Variants in RNF168 observed in about 807,000 individuals in gnomAD.
RNF168 encodes the protein ring finger protein 168.
RNF168 carries 34 observed loss-of-function variants against 34.9 expected under a neutral mutation model. That is an observed-to-expected ratio of 0.97 (90% CI 0.74 to 1.30). RNF168 has a LOEUF of 1.30. Among genes scored for constraint, RNF168 ranks in the 50% most tolerant of loss-of-function variants. The probability of loss-of-function intolerance (pLI) is 0.00; values close to 1 mark genes in which losing one functional copy is unlikely to be tolerated. For synonymous variants in RNF168, 264 were observed against 254.7 expected (o/e 1.04, Z -0.35); for missense variants, 725 against 682.5 (o/e 1.06, Z -0.69).
chr3:196,473,254 A>G (rs1023993573), intron 5 of RNF168, among the ~76,000 whole-genome samples: 4 of 152,172 alleles, frequency 2.6e-5, no homozygotes, highest in Non-Finnish European at 5.9e-5. Context: ...TCCTTTTGGC[A>G]TTTAGGTGAA....
intron 3 of RNF168, among the ~76,000 whole-genome samples, chr3:196,485,673 G>A (rs1257359709): frequency 6.6e-6 from 1 of 151,952 alleles, no homozygotes; most frequent in African/African-American, 2.4e-5. Flanking sequence ...ACATAAAAAG[G>A]GGCATATAAC....
chr3:196,496,872 C>T (rs771433947), intron 1 of RNF168, among the ~76,000 whole-genome samples: 41 of 152,114 alleles, frequency 2.7e-4, no homozygotes, highest in Non-Finnish European at 5.0e-4. Context: ...AGGACGGGCA[C>T]GATGGCTCAC....
At chr3:196,494,645 C>T (rs544034464) in intron 1 of RNF168, among the ~76,000 whole-genome samples, 59 of 152,114 alleles carry the variant, frequency 3.9e-4, no homozygotes, top group Non-Finnish European at 7.4e-4. Context: ...AAATAAAAAG[C>T]CCAAAGTTGC....
At chr3:196,479,770 T>TG (rs1243650109) in intron 4 of RNF168, among the ~76,000 whole-genome samples, 97 of 152,114 alleles carry the variant, frequency 6.4e-4, no homozygotes, top group Non-Finnish European at 1.0e-3. Context: ...TTTTGTATTT[T>TG]TAGTAGAAAC....
intron 1 of RNF168, among the ~76,000 whole-genome samples, chr3:196,490,956 G>A (rs1732580227): frequency 6.6e-6 from 1 of 152,198 alleles, no homozygotes; most frequent in South Asian, 2.1e-4. Context: ...TAGAATCTAC[G>A]AAACCCTGGA....
chr3:196,481,195 G>A (rs1222228572), intron 4 of RNF168, among the ~76,000 whole-genome samples: 1 of 151,978 alleles, frequency 6.6e-6, no homozygotes, highest in South Asian at 2.1e-4. Context: ...TCCTTTTATT[G>A]TGTTACTGTG....
chr3:196,471,045 G>A lies in RNF168; in HGVS notation c.*774C>T, dbSNP rs560662517. The A allele has an allele frequency of 6.7e-6, 1 of 149,796 alleles. No individual in the cohort carries two copies. Among genetic ancestry groups the A allele is most frequent in the Non-Finnish European group, 1.5e-5 (1 of 67,568 alleles). The allele number at this position is 149,796 out of a possible 1,614,324, so 9.3% of individuals were successfully genotyped here. A position where few individuals can be genotyped will look rare whatever the true frequency, so the allele number is the denominator to read the frequency against. On this transcript the variant is annotated 3_prime_UTR_variant, in exon 6 of 6. Transcript: ENST00000318037. ...GTACAAAAAAAAAAAAAAATTAGCT[G>A]GGTAGCTGGGTGTAGTGGCACATGC...
chr3:196,493,535 T>C (rs569783538), intron 1 of RNF168, among the ~76,000 whole-genome samples: 1 of 152,024 alleles, frequency 6.6e-6, no homozygotes, highest in East Asian at 1.9e-4. Flanking sequence ...GCTATTTCTT[T>C]TTCTTCTTTG....
At chr3:196,486,412 A>G (rs1439041384) in intron 3 of RNF168, among the ~76,000 whole-genome samples, 2 of 152,056 alleles carry the variant, frequency 1.3e-5, no homozygotes, top group African/African-American at 4.8e-5. Flanking sequence ...AGCTCACTGT[A>G]ACCTCAAACT....
chr3:196,503,251 A>G lies in RNF168; in HGVS notation c.-78T>C. On this transcript the variant is annotated 5_prime_UTR_variant, in exon 1 of 6. Transcript: ENST00000318037. ...CCTATTTTCGGCCAACCACAGAGAG[A>G]GCAAAAGCAGTTTTGTGTTTCAGTA... is the stretch of plus-strand genomic sequence containing the variant. 1 of 1,297,784 alleles carries G rather than the reference A, an allele frequency of 7.7e-7. No homozygotes were observed. The highest frequency in any genetic ancestry group is 1.2e-5 in the South Asian group (1 of 82,154). The allele number at this position is 1,297,784 out of a possible 1,614,324, so 80.4% of individuals were successfully genotyped here.
At position 196,471,557 on chromosome 3, in the gene RNF168, A is replaced by G. The variant is rs1732007515; in HGVS notation, c.*262T>C. The G allele has an allele frequency of 2.5e-6, 1 of 404,454 alleles. No individual in the cohort carries two copies. Among genetic ancestry groups the G allele is most frequent in the South Asian group, 3.3e-5 (1 of 30,118 alleles). 25.1% of individuals were successfully genotyped at this position (404,454 alleles called of 1,614,324 possible). On this transcript the variant is annotated 3_prime_UTR_variant, in exon 6 of 6. Transcript: ENST00000318037. Reference sequence around the variant, plus strand: ...ACTTGAAGATTTCCTGGAGTTGGCCAAAGCTTAAGATATCTCTAAGAATTG... The same window carrying G: ...ACTTGAAGATTTCCTGGAGTTGGCCGAAGCTTAAGATATCTCTAAGAATTG...
chr3:196,503,022 C>G lies in RNF168; in HGVS notation c.152G>C (p.Cys51Ser). The G allele has an allele frequency of 6.2e-7, 1 of 1,614,074 alleles. No homozygotes were observed. Among genetic ancestry groups the G allele is most frequent in the Non-Finnish European group, 8.5e-7 (1 of 1,180,018 alleles). ...CGATACCCGGCGGCGACAGAAGGGA[C>G]AGCATAAACTCGCCTTTTCGACGGT... Reference protein sequence around the residue: ...QSTVEKASLCCPFCRRRVSSW... With the variant: ...QSTVEKASLCSPFCRRRVSSW... The change falls in exon 1 of 6, where the codon TGT becomes TCT. Residue 51 changes from cysteine to serine, a missense_variant. Physicochemically the swap from Cys to Ser is moderately radical, Grantham distance 112. Transcript: ENST00000318037.
At chr3:196,501,012 C>T (rs1357873544) in intron 1 of RNF168, among the ~76,000 whole-genome samples, 1 of 152,166 alleles carries the variant, frequency 6.6e-6, no homozygotes, top group African/African-American at 2.4e-5. Flanking sequence ...CGCCCGGCCC[C>T]GCAATTTTTT....
At chr3:196,487,320 T>C (rs1732453879) in intron 3 of RNF168, 79 bp downstream of exon 3, 2 of 1,182,564 alleles carry the variant, frequency 1.7e-6, no homozygotes, top group Admixed American at 3.4e-5. Flanking sequence ...TACAAGGAGC[T>C]GACTCTTCCC....
In RNF168 at chr3:196,474,239, T is replaced by C. The variant is rs559732727; in HGVS notation, c.762+992A>G. Among the ~76,000 whole-genome samples, 504 of 149,462 alleles carry C rather than the reference T, an allele frequency of 3.4e-3. 1 individual carries two copies. Among genetic ancestry groups the C allele is most frequent in the African/African-American group, 0.011 (451 of 40,438 alleles). On this transcript the variant is annotated intron_variant, in intron 5 of 5. Transcript: ENST00000318037. ...GCCTTCCGGGTTCAAGCAATACTCC[T>C]GCCTCAGCCTCCTGAGTAGCAGGGA...
At chr3:196,501,542 G>C (rs1433809565) in intron 1 of RNF168, among the ~76,000 whole-genome samples, 1 of 152,162 alleles carries the variant, frequency 6.6e-6, no homozygotes, top group African/African-American at 2.4e-5. Context: ...AAGTGGAATA[G>C]AAGGTGCCGA....
chr3:196,487,373 C>G (rs771827567), intron 3 of RNF168, 26 bp downstream of exon 3: 4 of 1,596,316 alleles, frequency 2.5e-6, no homozygotes, highest in East Asian at 2.2e-5. Context: ...GATGACCATA[C>G]CTTAGCGTTC....
chr3:196,492,337 CA>C (rs1423484173), intron 1 of RNF168, among the ~76,000 whole-genome samples: 1 of 151,312 alleles, frequency 6.6e-6, no homozygotes, highest in Non-Finnish European at 1.5e-5. Context: ...CATCTTTGTT[CA>C]AAAAAATTTT....
chr3:196,482,228 G>A (rs1405499553), intron 4 of RNF168, among the ~76,000 whole-genome samples: 1 of 151,922 alleles, frequency 6.6e-6, no homozygotes, highest in Non-Finnish European at 1.5e-5. Context: ...TAATCAACAA[G>A]TTGTTTAGAA....
Sources: allele counts gnomAD v4.1 joint callset (sites outside exome capture counted in the v4.1 genomes callset), GRCh38; gene constraint gnomAD v4.1.1; transcripts MANE v1.5; gene names NCBI Gene and HGNC (gene_info 2026-07-23, HGNC 2026-07-21).